The following PIAS2 variants were observed in gnomAD, a reference collection of about 807,000 sequenced individuals.
The protein encoded by PIAS2 is E3 SUMO-protein ligase PIAS2.
In PIAS2, 19 loss-of-function variants were observed where a neutral mutation model predicts 69.7. The observed-to-expected ratio is 0.27, with a 90% CI of 0.19 to 0.40. The LOEUF (loss-of-function observed/expected upper bound fraction) is 0.40. Ranked by LOEUF, PIAS2 falls within the 10% of genes least tolerant of loss-of-function variation. The probability of loss-of-function intolerance (pLI) is 1.00; values close to 1 mark genes in which losing one functional copy is unlikely to be tolerated. For synonymous variants in PIAS2, 261 were observed against 263.2 expected, an observed-to-expected ratio of 0.99 and a Z score of 0.08; for missense variants, 624 against 757.0, an observed-to-expected ratio of 0.82 and a Z score of 2.06.
chr18:46,843,162 A>G (rs1478234709), intron 8 of PIAS2, among the ~76,000 whole-genome samples: 1 of 152,202 alleles, frequency 6.6e-6, no homozygotes, highest in Non-Finnish European at 1.5e-5. Context: ...TTCATCTACA[A>G]AATGAAGACA....
At chr18:46,900,748 G>C (rs2146152327) in intron 1 of PIAS2, among the ~76,000 whole-genome samples, 1 of 152,034 alleles carries the variant, frequency 6.6e-6, no homozygotes, top group Middle Eastern at 3.4e-3. Context: ...GACCGAGGCG[G>C]GTGAATCACG....
At chr18:46,883,022 C>T (rs915319774) in intron 2 of PIAS2, among the ~76,000 whole-genome samples, 3 of 151,062 alleles carry the variant, frequency 2.0e-5, no homozygotes, top group Non-Finnish European at 4.4e-5. Context: ...CGCTTGAACC[C>T]GGGAAGCAGA....
chr18:46,861,377 C>A (rs1025603615), intron 3 of PIAS2, among the ~76,000 whole-genome samples: 3 of 152,284 alleles, frequency 2.0e-5, no homozygotes, highest in East Asian at 3.9e-4. Flanking sequence ...AAAGTAACCA[C>A]TAAAGCCAAG....
intron 12 of PIAS2, chr18:46,817,160 T>C (rs970489464): frequency 1.0e-5 from 10 of 961,650 alleles, no homozygotes; most frequent in South Asian, 4.8e-5. Context: ...TACCTTTTTA[T>C]AGTTTTTCAG....
intron 2 of PIAS2, among the ~76,000 whole-genome samples, chr18:46,883,102 GA>G (rs369493732): frequency 7.7e-4 from 61 of 79,346 alleles, no homozygotes; most frequent in Non-Finnish European, 9.6e-4. Context: ...CGTCTCAAAA[GA>G]AAAAAAAAAA....
chr18:46,902,443 C>T (rs1027544374), intron 1 of PIAS2, among the ~76,000 whole-genome samples: 1 of 151,854 alleles, frequency 6.6e-6, no homozygotes, highest in Non-Finnish European at 1.5e-5. Flanking sequence ...GCCTGTAATC[C>T]CAGCTACTCG....
intron 11 of PIAS2, 90 bp from the exon 12 acceptor site, chr18:46,821,162 G>T: frequency 7.4e-7 from 1 of 1,349,082 alleles, no homozygotes; most frequent in Non-Finnish European, 1.0e-6. Flanking sequence ...TCAGTCGTTC[G>T]TTCACCAGTT....
intron 2 of PIAS2, among the ~76,000 whole-genome samples, chr18:46,882,843 G>GCC (rs1206970714): frequency 6.6e-6 from 1 of 152,108 alleles, no homozygotes; most frequent in African/African-American, 2.4e-5. Context: ...ACAGAATAGT[G>GCC]CCCCCACTCC....
At chr18:46,905,100 A>G (rs369810132) in intron 1 of PIAS2, among the ~76,000 whole-genome samples, 1 of 152,202 alleles carries the variant, frequency 6.6e-6, no homozygotes, top group East Asian at 1.9e-4. Context: ...TGTACAAATA[A>G]AAATTATTAA....
At chr18:46,860,851 C>A (rs1036288000) in intron 3 of PIAS2, among the ~76,000 whole-genome samples, 5 of 152,076 alleles carry the variant, frequency 3.3e-5, no homozygotes, top group Non-Finnish European at 4.4e-5. Context: ...GTGTTGTACA[C>A]CTGTAGTCCT....
intron 5 of PIAS2, among the ~76,000 whole-genome samples, chr18:46,848,786 T>A (rs1286000659): frequency 4.7e-5 from 7 of 147,516 alleles, no homozygotes; most frequent in Middle Eastern, 3.4e-3. Context: ...TGTGTGTGTG[T>A]GTGAGAGAGA....
intron 11 of PIAS2, among the ~76,000 whole-genome samples, chr18:46,825,719 A>C (rs946039023): frequency 1.3e-5 from 2 of 152,248 alleles, no homozygotes; most frequent in Admixed American, 1.3e-4. Flanking sequence ...TGCTAAGAAC[A>C]AACTGATTTC....
chr18:46,878,860 C>T (rs950888767), intron 2 of PIAS2, among the ~76,000 whole-genome samples: 3 of 152,176 alleles, frequency 2.0e-5, no homozygotes, highest in Non-Finnish European at 2.9e-5. Context: ...CAGAGCAAGA[C>T]TCCGTCTATA....
intron 12 of PIAS2, chr18:46,816,427 C>T: frequency 1.0e-6 from 1 of 985,162 alleles, no homozygotes; most frequent in Admixed American, 6.1e-5. Context: ...TGAAAGAAAT[C>T]ATTCCAACGA....
At chr18:46,889,560 A>T (rs537322908) in intron 2 of PIAS2, among the ~76,000 whole-genome samples, 11 of 145,360 alleles carry the variant, frequency 7.6e-5, no homozygotes, top group South Asian at 4.4e-4. Context: ...TGGCCACTAT[A>T]AAAAAAAAAG....
At chr18:46,889,937 G>T (rs1568761085) in intron 2 of PIAS2, among the ~76,000 whole-genome samples, 1 of 152,000 alleles carries the variant, frequency 6.6e-6, no homozygotes, top group Non-Finnish European at 1.5e-5. Context: ...TGAGATTGAG[G>T]GATGAGTAGT....
intron 2 of PIAS2, among the ~76,000 whole-genome samples, chr18:46,868,383 C>T (rs1045653673): frequency 6.6e-6 from 1 of 152,208 alleles, no homozygotes; most frequent in Non-Finnish European, 1.5e-5. Context: ...GCTACCCATT[C>T]TGTAAGCTCC....
chr18:46,887,778 T>C (rs2053446906), intron 2 of PIAS2, among the ~76,000 whole-genome samples: 1 of 152,136 alleles, frequency 6.6e-6, no homozygotes, highest in Non-Finnish European at 1.5e-5. Context: ...AAAATCAGGA[T>C]CAATAAATAA....
intron 4 of PIAS2, 23 bp from the exon 5 acceptor site, chr18:46,855,458 T>C (rs752210103): frequency 3.6e-5 from 57 of 1,589,708 alleles, no homozygotes; most frequent in Non-Finnish European, 4.9e-5. Flanking sequence ...AAGAAAAAAG[T>C]ATTCTTAAAT....
Sources: allele counts gnomAD v4.1 joint callset (sites outside exome capture counted in the v4.1 genomes callset), GRCh38; gene constraint gnomAD v4.1.1; transcripts MANE v1.5; gene names NCBI Gene and HGNC (gene_info 2026-07-23, HGNC 2026-07-21).